The following FMR1NB variants were observed in gnomAD, a reference collection of about 807,000 sequenced individuals.
FMR1NB encodes FMR1 neighbor.
In FMR1NB, 10 loss-of-function variants were observed where a neutral mutation model predicts 16.8. The ratio of observed to expected loss-of-function variants is 0.60; its 90% CI spans 0.37 to 1.01. FMR1NB has a LOEUF of 1.01. FMR1NB is among the 50% of genes least tolerant of loss of function. The pLI is 0.01. For missense variants in FMR1NB, 205 were observed against 204.8 expected, an observed-to-expected ratio of 1.00 and a Z score of 0.00; for synonymous variants, 83 against 79.1, an observed-to-expected ratio of 1.05 and a Z score of -0.26.
chrX:147,993,218 C>A (rs943660202), intron 1 of FMR1NB, among the ~76,000 whole-genome samples: 2 of 113,055 alleles, frequency 1.8e-5, no homozygotes, highest in African/African-American at 6.4e-5. Context: ...GGCTGGAGAC[C>A]GGCCCGGCCA....
intron 4 of FMR1NB, among the ~76,000 whole-genome samples, chrX:148,021,584 GTA>G (rs1733285957): frequency 9.1e-6 from 1 of 110,484 alleles, no homozygotes; most frequent in African/African-American, 3.3e-5. Context: ...CTTCAATGAT[GTA>G]TGTTTTTGTT....
At chrX:148,019,163 C>G (rs2044666232) in intron 4 of FMR1NB, among the ~76,000 whole-genome samples, 1 of 111,801 alleles carries the variant, frequency 8.9e-6, no homozygotes, top group Admixed American at 9.5e-5. Flanking sequence ...ATTGTTTATT[C>G]TACTTGATCA....
chrX:148,009,894 T>G (rs902195322), intron 4 of FMR1NB, among the ~76,000 whole-genome samples: 9 of 111,963 alleles, frequency 8.0e-5, no homozygotes, highest in Non-Finnish European at 1.5e-4. Flanking sequence ...TTTTTGGCCC[T>G]TCCTTCTTCT....
At chrX:147,987,383 G>A (rs111526092) in intron 1 of FMR1NB, among the ~76,000 whole-genome samples, 14,637 of 111,380 alleles carry the variant, frequency 0.13, 1,227 homozygotes, top group African/African-American at 0.32. Context: ...GGTGAGAGAG[G>A]GCATCCTTGT....
In FMR1NB at chrX:147,985,368, G is replaced by A. The variant is rs781886420; in HGVS notation, c.277+3689G>A. On this transcript the variant is annotated intron_variant, in intron 1 of 5. Transcript: ENST00000370467. ...TGGGATACATGTGCAGAACGTGCAGGTTTGTTACACAGGTATACATGTGCC... is the reference window on the plus strand; with the variant it reads ...TGGGATACATGTGCAGAACGTGCAGATTTGTTACACAGGTATACATGTGCC... Among the ~76,000 whole-genome samples, 31 of 111,295 alleles carry A rather than the reference G, an allele frequency of 2.8e-4. No individual in the cohort carries two copies. The South Asian group carries it at 0.012, about 42-fold the overall frequency.
chrX:148,018,963 C>G (rs994813437), intron 4 of FMR1NB, among the ~76,000 whole-genome samples: 3 of 111,476 alleles, frequency 2.7e-5, no homozygotes. Context: ...ACAATGAACT[C>G]AAACAAATTT....
At chrX:147,990,522 A>C (rs1557187502) in intron 1 of FMR1NB, among the ~76,000 whole-genome samples, 1 of 111,791 alleles carries the variant, frequency 8.9e-6, no homozygotes, top group African/African-American at 3.3e-5. Context: ...GTGATATTTT[A>C]ATATGTATAT....
intron 1 of FMR1NB, among the ~76,000 whole-genome samples, chrX:147,983,362 A>C (rs2044460806): frequency 8.9e-6 from 1 of 111,952 alleles, no homozygotes; most frequent in South Asian, 3.7e-4. Context: ...CTCCACTAAC[A>C]ATGTTTGAAG....
chrX:147,983,295 T>C (rs369956080), intron 1 of FMR1NB, among the ~76,000 whole-genome samples: 7 of 112,125 alleles, frequency 6.2e-5, no homozygotes, highest in South Asian at 3.7e-4. Flanking sequence ...GGGAACTCCA[T>C]TGATCTTTTT....
At chrX:148,019,998 G>A (rs1260958460) in intron 4 of FMR1NB, among the ~76,000 whole-genome samples, 1 of 112,441 alleles carries the variant, frequency 8.9e-6, no homozygotes, top group Non-Finnish European at 1.9e-5. Context: ...TCAGGGTGGT[G>A]AGTTCTTGCA....
Position 148,008,625 on chromosome X carries a change from A to G in FMR1NB, c.546A>G (p.Lys182=). The G allele has an allele frequency of 8.3e-7, 1 of 1,211,042 alleles. No individual in the cohort carries two copies. Among genetic ancestry groups the G allele is most frequent in the Non-Finnish European group, 1.1e-6 (1 of 895,029 alleles). Residue 182 remains lysine (K), a synonymous_variant, in exon 4 of 6, where the codon AAA becomes AAG. Coordinates refer to ENST00000370467, the MANE Select transcript of FMR1NB (RefSeq NM_152578.3). ...ATATAATTAAACCAACAGTGCCTAA[A>G]CAGATGATGCAAATGTTTGGGCTTG... ...KCFAPFRDVP[K]QMMQMFGLGA... is the part of the protein sequence containing the mutation.
At chrX:148,020,351 C>T (rs782590662) in intron 4 of FMR1NB, among the ~76,000 whole-genome samples, 12 of 111,970 alleles carry the variant, frequency 1.1e-4, no homozygotes, top group African/African-American at 1.6e-4. Flanking sequence ...AGCCAAGGCC[C>T]GGGATTGGGT....
In FMR1NB at chrX:148,011,266, AAAAAAC is replaced by A. The variant is rs781893715; in HGVS notation, c.632+2573_632+2578del. Reference sequence around the variant, plus strand: ...GCGACAGAGTGAGACTCCATCTCAAAAAAAACAAAAACAAAAACAAAAAAAAAATGT... The same window carrying A: ...GCGACAGAGTGAGACTCCATCTCAAAAAAAACAAAAACAAAAAAAAAATGT... On this transcript the variant is annotated intron_variant, in intron 4 of 5. Transcript: ENST00000370467. Among the ~76,000 whole-genome samples the A allele has an allele frequency of 2.9e-5, 3 of 102,042 alleles. No individual in the cohort carries two copies. In the East Asian group the frequency reaches 8.6e-4, roughly 29 times the overall value. The allele number at this position is 102,042 out of a possible 115,157, so 88.6% of individuals were successfully genotyped here. A position where few individuals can be genotyped will look rare whatever the true frequency, so the allele number is the denominator to read the frequency against.
At chrX:148,025,048 A>C (rs782498261) in intron 5 of FMR1NB, 35 bp downstream of exon 5, 6 of 1,168,697 alleles carry the variant, frequency 5.1e-6, no homozygotes, top group Non-Finnish European at 6.9e-6. Flanking sequence ...TGAAGTGCTC[A>C]ATCTCTGATT....
At chrX:147,988,261 C>A (rs1461540749) in intron 1 of FMR1NB, among the ~76,000 whole-genome samples, 3 of 111,332 alleles carry the variant, frequency 2.7e-5, no homozygotes, top group South Asian at 3.8e-4. Flanking sequence ...TTCTCCTTCG[C>A]TTATGAAGCT....
At chrX:147,998,204 C>G (rs2044552084) in intron 1 of FMR1NB, among the ~76,000 whole-genome samples, 1 of 112,268 alleles carries the variant, frequency 8.9e-6, no homozygotes, top group African/African-American at 3.2e-5. Context: ...GGAACCAACC[C>G]AAATGCCCAT....
At chrX:148,019,719 G>T (rs1305407147) in intron 4 of FMR1NB, among the ~76,000 whole-genome samples, 2 of 112,062 alleles carry the variant, frequency 1.8e-5, no homozygotes, top group African/African-American at 6.5e-5. Context: ...TACCATCAGA[G>T]GCTCTTGTTC....
At chrX:148,011,455 A>T (rs7063607) in intron 4 of FMR1NB, among the ~76,000 whole-genome samples, 1 of 110,898 alleles carries the variant, frequency 9.0e-6, no homozygotes, top group East Asian at 2.8e-4. Context: ...ATAACGGAGG[A>T]TACAGAAATT....
intron 1 of FMR1NB, among the ~76,000 whole-genome samples, chrX:148,001,453 A>G (rs1557188642): frequency 8.9e-6 from 1 of 112,061 alleles, no homozygotes. Flanking sequence ...TTGATAGTAG[A>G]GACAATGAAA....
Sources: allele counts gnomAD v4.1 joint callset (sites outside exome capture counted in the v4.1 genomes callset), GRCh38; gene constraint gnomAD v4.1.1; transcripts MANE v1.5; gene names NCBI Gene and HGNC (gene_info 2026-07-23, HGNC 2026-07-21).